Variants in SPOCK3 observed in about 807,000 individuals in gnomAD.
SPOCK3 encodes SPARC (osteonectin), cwcv and kazal like domains proteoglycan 3.
In SPOCK3, 30 loss-of-function variants were observed where a neutral mutation model predicts 56.6. The ratio of observed to expected loss-of-function variants is 0.53; its 90% confidence interval spans 0.40 to 0.72. The LOEUF (loss-of-function observed/expected upper bound fraction) is 0.72. Among genes scored for constraint, SPOCK3 ranks in the 30% least tolerant of loss-of-function variants. SPOCK3 has a pLI of 0.00. For missense variants in SPOCK3, 527 were observed against 530.0 expected (o/e 0.99, Z 0.06); for synonymous variants, 196 against 183.3 (o/e 1.07, Z -0.56).
At chr4:167,059,123 G>A (rs375871163) in intron 3 of SPOCK3, among the ~76,000 whole-genome samples, 3,582 of 151,206 alleles carry the variant, frequency 0.024, 120 homozygotes, top group African/African-American at 0.081. Flanking sequence ...ACCAAAAGCA[G>A]TGGCAACAAA....
At chr4:166,843,081 C>CA (rs1747644184) in intron 6 of SPOCK3, among the ~76,000 whole-genome samples, 1 of 152,200 alleles carries the variant, frequency 6.6e-6, no homozygotes, top group Non-Finnish European at 1.5e-5. Flanking sequence ...CTAAGCCCCT[C>CA]ACTGCCTAGG....
At chr4:166,852,161 G>T (rs1433580814) in intron 6 of SPOCK3, among the ~76,000 whole-genome samples, 1 of 151,956 alleles carries the variant, frequency 6.6e-6, no homozygotes, top group Admixed American at 6.6e-5. Flanking sequence ...TTGTGGGGAG[G>T]GGGGAGCGAT....
At chr4:167,195,214 C>T (rs1343819644) in intron 2 of SPOCK3, among the ~76,000 whole-genome samples, 2 of 152,182 alleles carry the variant, frequency 1.3e-5, no homozygotes, top group African/African-American at 2.4e-5. Context: ...TGTTCTCAGA[C>T]TGTAGCTGAG....
chr4:167,161,609 T>C (rs1765313598), intron 2 of SPOCK3, among the ~76,000 whole-genome samples: 4 of 152,170 alleles, frequency 2.6e-5, no homozygotes, highest in Admixed American at 2.6e-4. Context: ...ATTGCGGCAC[T>C]ATTCACAATA....
chr4:167,206,973 A>T (rs1734404244), intron 2 of SPOCK3, among the ~76,000 whole-genome samples: 1 of 152,120 alleles, frequency 6.6e-6, no homozygotes, highest in Non-Finnish European at 1.5e-5. Context: ...ACACAAAAAA[A>T]ACGATAAATG....
At chr4:166,960,578 C>G (rs1354472578) in intron 4 of SPOCK3, among the ~76,000 whole-genome samples, 1 of 152,176 alleles carries the variant, frequency 6.6e-6, no homozygotes, top group Non-Finnish European at 1.5e-5. Context: ...ATTTCTCAGG[C>G]ATCTCAGCCT....
intron 3 of SPOCK3, chr4:167,011,434 C>T: frequency 4.8e-6 from 1 of 206,796 alleles, no homozygotes; most frequent in Non-Finnish European, 1.1e-5. Context: ...TCAACCTCTA[C>T]TTTGTATTGT....
chr4:167,046,013 G>A (rs964495626), intron 3 of SPOCK3, among the ~76,000 whole-genome samples: 8 of 151,956 alleles, frequency 5.3e-5, no homozygotes, highest in African/African-American at 1.4e-4. Context: ...CAAATCCCTC[G>A]ATTTTCCTTG....
chr4:166,761,895 T>TAAAAA (rs748340803), intron 7 of SPOCK3, among the ~76,000 whole-genome samples: 8 of 103,428 alleles, frequency 7.7e-5, no homozygotes, highest in African/African-American at 2.9e-4. Flanking sequence ...TAGAGTATAA[T>TAAAAA]AAAAAAAAAA....
chr4:166,763,276 A>G (rs1016686098), intron 7 of SPOCK3, among the ~76,000 whole-genome samples: 1 of 152,030 alleles, frequency 6.6e-6, no homozygotes, highest in Non-Finnish European at 1.5e-5. Context: ...AAAGTACTCA[A>G]ACAAAGAAAA....
intron 5 of SPOCK3, among the ~76,000 whole-genome samples, chr4:166,898,208 A>G (rs1297950441): frequency 6.6e-6 from 1 of 152,080 alleles, no homozygotes; most frequent in Non-Finnish European, 1.5e-5. Flanking sequence ...TAAAAAAGAA[A>G]AAAAAATATT....
intron 4 of SPOCK3, among the ~76,000 whole-genome samples, chr4:166,976,033 TG>T (rs1745905282): frequency 6.6e-6 from 1 of 152,010 alleles, no homozygotes; most frequent in Admixed American, 6.6e-5. Flanking sequence ...ATATCTAGCA[TG>T]GGATGCATAG....
At chr4:167,004,945 G>T (rs1261253227) in intron 3 of SPOCK3, among the ~76,000 whole-genome samples, 1 of 152,140 alleles carries the variant, frequency 6.6e-6, no homozygotes, top group African/African-American at 2.4e-5. Flanking sequence ...ATTCCAAGGA[G>T]AGGTTAGGGG....
intron 2 of SPOCK3, among the ~76,000 whole-genome samples, chr4:167,137,698 G>A (rs557057368): frequency 6.2e-4 from 94 of 151,658 alleles, no homozygotes; most frequent in South Asian, 3.1e-3. Context: ...GTAGGTAATA[G>A]GCAAAATACA....
At chr4:167,089,600 T>A (rs545203823) in intron 2 of SPOCK3, among the ~76,000 whole-genome samples, 46 of 152,266 alleles carry the variant, frequency 3.0e-4, no homozygotes, top group African/African-American at 1.1e-3. Context: ...AAATCAGACT[T>A]TTAAAAAAAT....
chr4:166,744,582 C>T (rs1302431904), intron 8 of SPOCK3, among the ~76,000 whole-genome samples: 2 of 152,146 alleles, frequency 1.3e-5, no homozygotes, highest in Non-Finnish European at 2.9e-5. Flanking sequence ...TATTCTCCTC[C>T]AAAGGAACGC....
chr4:167,053,670 G>C (rs1754462133), intron 3 of SPOCK3, among the ~76,000 whole-genome samples: 1 of 152,060 alleles, frequency 6.6e-6, no homozygotes, highest in Admixed American at 6.6e-5. Flanking sequence ...GGGCGACAGA[G>C]TGAGACTCCA....
chr4:166,903,841 G>A (rs935761892), intron 5 of SPOCK3, among the ~76,000 whole-genome samples: 1 of 151,992 alleles, frequency 6.6e-6, no homozygotes, highest in Admixed American at 6.6e-5. Flanking sequence ...AACATACAGT[G>A]CTCATAGAGT....
chr4:167,156,185 A>T (rs1764805222), intron 2 of SPOCK3, among the ~76,000 whole-genome samples: 1 of 152,168 alleles, frequency 6.6e-6, no homozygotes, highest in Non-Finnish European at 1.5e-5. Context: ...TCTGTTTTAC[A>T]TATACAGCAA....
Sources: allele counts gnomAD v4.1 joint callset (sites outside exome capture counted in the v4.1 genomes callset), GRCh38; gene constraint gnomAD v4.1.1; transcripts MANE v1.5; gene names NCBI Gene and HGNC (gene_info 2026-07-23, HGNC 2026-07-21).